Variants in MYO1E observed in about 807,000 individuals in gnomAD.
The protein encoded by MYO1E is unconventional myosin-Ie.
MYO1E carries 68 observed loss-of-function variants against 151.1 expected under a neutral mutation model. The observed-to-expected ratio is 0.45, with a 90% CI of 0.37 to 0.55. MYO1E has a LOEUF of 0.55. Among genes scored for constraint, MYO1E ranks in the 20% least tolerant of loss-of-function variants. The pLI is 0.00. For missense variants in MYO1E, 1,363 were observed against 1,389.3 expected (o/e 0.98, Z 0.30); for synonymous variants, 601 against 501.7 (o/e 1.20, Z -2.64).
intron 26 of MYO1E, among the ~76,000 whole-genome samples, chr15:59,145,228 T>C (rs1393881576): frequency 2.0e-5 from 3 of 152,150 alleles, no homozygotes; most frequent in Non-Finnish European, 2.9e-5. Flanking sequence ...GCCGAGGCAA[T>C]TGGCTAGTCC....
At chr15:59,250,354 C>T (rs1265669289) in intron 4 of MYO1E, among the ~76,000 whole-genome samples, 2 of 152,216 alleles carry the variant, frequency 1.3e-5, no homozygotes, top group Non-Finnish European at 2.9e-5. Flanking sequence ...GGTGCGTGAT[C>T]GAGGCCAAAC....
intron 10 of MYO1E, among the ~76,000 whole-genome samples, chr15:59,217,688 G>C (rs1229605952): frequency 6.6e-6 from 1 of 151,388 alleles, no homozygotes; most frequent in African/African-American, 2.4e-5. Context: ...CACCACACCT[G>C]GCTAATTTTT....
rs1480105782 is a variant in MYO1E at position 59,207,606 on chromosome 15, G to C, written c.1530+1075C>G. The stretch of plus-strand genomic sequence containing the variant: ...TGGATACTGCTCGTTTTCGTTTCTT[G>C]ATTGGACAAAAGCTTGGTATCCATT... On this transcript the variant is annotated intron_variant, in intron 14 of 27. Transcript: ENST00000288235. 1.9e-6 allele frequency: 3 copies of C among 1,614,128 alleles called. No homozygotes were observed. In the South Asian group the frequency reaches 3.3e-5, roughly 18 times the overall value.
rs773285920 is a variant in MYO1E at position 59,161,134 on chromosome 15, G to A, written c.2724C>T (p.Val908=). Residue 908 remains valine (V), a synonymous_variant, in exon 24 of 28, where the codon GTC becomes GTT. Coordinates refer to ENST00000288235, the MANE Select transcript of MYO1E (RefSeq NM_004998.4). Reference sequence around the variant, plus strand: ...GCAGCACTTTGTTACTGGGCTTGAGGACAGCCAGGTCCCCAAACCCTTGGT... The same window carrying A: ...GCAGCACTTTGTTACTGGGCTTGAGAACAGCCAGGTCCCCAAACCCTTGGT... ...QFHQGFGDLA[V]LKPSNKVLQV... 5 of 1,613,974 alleles carry A rather than the reference G, an allele frequency of 3.1e-6. No homozygotes were observed. The highest frequency in any genetic ancestry group is 2.7e-5 in the African/African-American group (2 of 74,900).
intron 4 of MYO1E, among the ~76,000 whole-genome samples, chr15:59,253,971 C>T (rs1013112292): frequency 1.4e-5 from 2 of 147,386 alleles, no homozygotes; most frequent in Non-Finnish European, 3.0e-5. Flanking sequence ...GACCGAGACA[C>T]CTAAGAGACA....
chr15:59,216,385 T>G (rs1320494862), intron 10 of MYO1E, among the ~76,000 whole-genome samples: 8 of 152,062 alleles, frequency 5.3e-5, no homozygotes, highest in African/African-American at 1.7e-4. Context: ...TTTTTCTCTT[T>G]AAAATACTCA....
At chr15:59,260,705 T>A (rs905896951) in intron 3 of MYO1E, among the ~76,000 whole-genome samples, 1 of 152,196 alleles carries the variant, frequency 6.6e-6, no homozygotes, top group East Asian at 1.9e-4. Flanking sequence ...TCATTTTTCA[T>A]GTTGAAGTCA....
intron 18 of MYO1E, among the ~76,000 whole-genome samples, chr15:59,183,518 G>A (rs556322775): frequency 2.0e-5 from 3 of 151,856 alleles, no homozygotes; most frequent in African/African-American, 2.4e-5. Context: ...TTTTTTTGGG[G>A]GGTGGATACA....
intron 1 of MYO1E, among the ~76,000 whole-genome samples, chr15:59,369,898 C>T (rs549882052): frequency 6.6e-6 from 1 of 152,198 alleles, no homozygotes; most frequent in African/African-American, 2.4e-5. Flanking sequence ...CGCACACACA[C>T]ACACTCACAC....
chr15:59,216,751 AAT>A (rs1455424345), intron 10 of MYO1E, among the ~76,000 whole-genome samples: 5 of 145,176 alleles, frequency 3.4e-5, no homozygotes, highest in Non-Finnish European at 7.6e-5. Context: ...AAAAATATCT[AAT>A]AGTTTCAAAA....
intron 1 of MYO1E, among the ~76,000 whole-genome samples, chr15:59,275,888 G>C (rs2080315634): frequency 6.6e-6 from 1 of 152,206 alleles, no homozygotes; most frequent in African/African-American, 2.4e-5. Flanking sequence ...TTGCTGGGTA[G>C]GGGACAACAG....
rs201439341 is a variant in MYO1E, at chr15:59,224,716, G to A, written c.750C>T (p.Asp250=). The change falls in exon 8 of 28, where the codon GAC becomes GAT. Residue 250 remains aspartate (D), a synonymous_variant. Coordinates refer to ENST00000288235, the MANE Select transcript of MYO1E (RefSeq NM_004998.4). Reference sequence around the variant, plus strand: ...GAGTTTCCTGAAACTCCCGCCTGTCGTCAATGTCATCAACCTTGTATGAGC... The same window carrying A: ...GAGTTTCCTGAAACTCCCGCCTGTCATCAATGTCATCAACCTTGTATGAGC... ...LSGSYKVDDI[D]DRREFQETLH... 29 of 1,614,088 alleles carry A rather than the reference G, an allele frequency of 1.8e-5. No individual in the cohort carries two copies. The highest frequency in any genetic ancestry group is 8.0e-5 in the African/African-American group (6 of 74,932).
intron 1 of MYO1E, among the ~76,000 whole-genome samples, chr15:59,305,809 C>T (rs8034553): frequency 0.15 from 22,434 of 152,132 alleles, 2,560 homozygotes; most frequent in African/African-American, 0.32. Context: ...TTAGATGTGG[C>T]CGTGTGACAT....
chr15:59,269,799 GC>G (rs1370490912), intron 2 of MYO1E, among the ~76,000 whole-genome samples: 1 of 151,952 alleles, frequency 6.6e-6, no homozygotes, highest in Non-Finnish European at 1.5e-5. Flanking sequence ...GTTGCAGTGA[GC>G]CAAGATTTCG....
At chr15:59,346,900 G>C in intron 1 of MYO1E, among the ~76,000 whole-genome samples, 1 of 150,216 alleles carries the variant, frequency 6.7e-6, no homozygotes, top group East Asian at 1.9e-4. Flanking sequence ...CTGGGTGACA[G>C]AGCGAGACCT....
At chr15:59,341,967 C>T (rs1414484405) in intron 1 of MYO1E, among the ~76,000 whole-genome samples, 2 of 152,168 alleles carry the variant, frequency 1.3e-5, no homozygotes, top group Non-Finnish European at 2.9e-5. Context: ...AGTGGCTATA[C>T]TCATTTATAT....
chr15:59,185,310 C>T (rs541069069), intron 18 of MYO1E, among the ~76,000 whole-genome samples: 116 of 152,226 alleles, frequency 7.6e-4, no homozygotes, highest in African/African-American at 2.6e-3. Flanking sequence ...CTCTGTCGCC[C>T]AGGCTGGAGT....
intron 9 of MYO1E, among the ~76,000 whole-genome samples, chr15:59,221,333 G>A (rs1374741706): frequency 1.3e-5 from 2 of 151,972 alleles, no homozygotes; most frequent in African/African-American, 4.8e-5. Context: ...AAGTGAAAAA[G>A]CAACTGTAGA....
chr15:59,202,822 G>A (rs2079810305), intron 15 of MYO1E, among the ~76,000 whole-genome samples: 1 of 152,116 alleles, frequency 6.6e-6, no homozygotes, highest in African/African-American at 2.4e-5. Flanking sequence ...GCTCACTGCA[G>A]CCTCGACCTC....
Sources: gnomAD v4.1 joint callset for allele counts (sites outside exome capture counted in the v4.1 genomes callset) on GRCh38, gnomAD v4.1.1 for gene constraint, MANE v1.5 for transcripts, NCBI Gene and HGNC (gene_info 2026-07-23, HGNC 2026-07-21) for gene names.